The following BICC1 variants were observed in gnomAD, a reference collection of about 807,000 sequenced individuals.
The protein encoded by BICC1 is BicC family RNA binding protein 1, also known as protein bicaudal C homolog 1.
Under a neutral mutation model 111.0 loss-of-function variants are expected in BICC1, and 43 were observed. The ratio of observed to expected loss-of-function variants is 0.39; its 90% confidence interval spans 0.30 to 0.50. BICC1 has a LOEUF of 0.50. Among genes scored for constraint, BICC1 ranks in the 20% least tolerant of loss-of-function variants. BICC1 has a pLI of 0.88. For synonymous variants in BICC1, 467 were observed against 434.4 expected (o/e 1.07, Z -0.93); for missense variants, 1,091 against 1,203.2 (o/e 0.91, Z 1.38).
At chr10:58,513,393 C>CCCCA in intron 1 of BICC1, 60 bp downstream of exon 1, 5 of 1,442,996 alleles carry the variant, frequency 3.5e-6, no homozygotes, top group Non-Finnish European at 4.6e-6. Flanking sequence ...TTTCGGACAT[C>CCCCA]CCCACCGCGC....
intron 1 of BICC1, among the ~76,000 whole-genome samples, chr10:58,517,685 G>T (rs1452936192): frequency 6.6e-6 from 1 of 152,156 alleles, no homozygotes; most frequent in Non-Finnish European, 1.5e-5. Context: ...TTTGAATCTT[G>T]ATGCTACATT....
chr10:58,574,933 A>G (rs1043321313), intron 1 of BICC1, among the ~76,000 whole-genome samples: 7 of 151,088 alleles, frequency 4.6e-5, no homozygotes, highest in African/African-American at 1.7e-4. Context: ...CCTCTGAAAA[A>G]CTCTGTGTAC....
At chr10:58,711,676 C>T (rs1840577787) in intron 3 of BICC1, among the ~76,000 whole-genome samples, 1 of 152,138 alleles carries the variant, frequency 6.6e-6, no homozygotes, top group African/African-American at 2.4e-5. Flanking sequence ...CTTATAACTG[C>T]TGCAAACTAG....
chr10:58,534,953 G>A (rs1189401526), intron 1 of BICC1, among the ~76,000 whole-genome samples: 1 of 151,370 alleles, frequency 6.6e-6, no homozygotes, highest in African/African-American at 2.4e-5. Flanking sequence ...AAAATGCAGT[G>A]GAAAGTGTTA....
chr10:58,645,371 C>T (rs572949287), intron 2 of BICC1, among the ~76,000 whole-genome samples: 63 of 125,616 alleles, frequency 5.0e-4, no homozygotes, highest in Admixed American at 9.9e-4. Flanking sequence ...CGCGCCACTG[C>T]GCTCCAGCCT....
chr10:58,683,407 A>T (rs187697313), intron 2 of BICC1, among the ~76,000 whole-genome samples: 230 of 151,880 alleles, frequency 1.5e-3, no homozygotes, highest in African/African-American at 5.4e-3. Flanking sequence ...TAGTTTTGCA[A>T]TTCTGTGAAG....
chr10:58,641,470 CTTT>C (rs879548475), intron 2 of BICC1, among the ~76,000 whole-genome samples: 1 of 144,386 alleles, frequency 6.9e-6, no homozygotes, highest in Admixed American at 6.9e-5. Flanking sequence ...TTTTTCTTTC[CTTT>C]TTTTTTTTGC....
chr10:58,645,552 A>G (rs1006594651), intron 2 of BICC1, among the ~76,000 whole-genome samples: 2 of 152,178 alleles, frequency 1.3e-5, no homozygotes, highest in Non-Finnish European at 2.9e-5. Flanking sequence ...AACAAACACA[A>G]AAGACATTTC....
At chr10:58,605,706 T>G (rs1439256950) in intron 1 of BICC1, among the ~76,000 whole-genome samples, 1 of 152,194 alleles carries the variant, frequency 6.6e-6, no homozygotes, top group Non-Finnish European at 1.5e-5. Context: ...TATACTGTAT[T>G]GTTTAGAGAA....
At chr10:58,598,511 C>T (rs1403062260) in intron 1 of BICC1, among the ~76,000 whole-genome samples, 1 of 152,010 alleles carries the variant, frequency 6.6e-6, no homozygotes, top group Non-Finnish European at 1.5e-5. Context: ...TCAACTCAAG[C>T]TGGGTCAGAG....
chr10:58,564,850 TA>T (rs1843708825), intron 1 of BICC1, among the ~76,000 whole-genome samples: 1 of 152,258 alleles, frequency 6.6e-6, no homozygotes, highest in South Asian at 2.1e-4. Context: ...GGCAATAAGT[TA>T]AAAATATGAA....
chr10:58,626,191 A>G (rs1400861467), intron 2 of BICC1, among the ~76,000 whole-genome samples: 1 of 152,208 alleles, frequency 6.6e-6, no homozygotes, highest in Non-Finnish European at 1.5e-5. Flanking sequence ...GTGCAGCATT[A>G]CATTGTTGGT....
chr10:58,651,983 C>A (rs992737784), intron 2 of BICC1, among the ~76,000 whole-genome samples: 4 of 152,004 alleles, frequency 2.6e-5, no homozygotes, highest in African/African-American at 9.7e-5. Context: ...TATGGAACCA[C>A]CCAGAGGGCC....
At chr10:58,664,622 T>A (rs1318011106) in intron 2 of BICC1, among the ~76,000 whole-genome samples, 1 of 152,142 alleles carries the variant, frequency 6.6e-6, no homozygotes, top group Non-Finnish European at 1.5e-5. Flanking sequence ...TTCTATCTGA[T>A]ATTTACAAGT....
rs954641604 is a variant in BICC1, at chr10:58,560,176, A to G, written c.190+46843A>G. Among the ~76,000 whole-genome samples the G allele has an allele frequency of 2.0e-5, 3 of 152,138 alleles. No homozygotes were observed. The East Asian group carries it at 5.8e-4, about 29-fold the overall frequency. ...TTTTATAAGTTTGGTAGAATTTAGC[A>G]GGAAAGTCATCCATTCTTGAGCTTT... On this transcript the variant is annotated intron_variant, in intron 1 of 20. Transcript: ENST00000373886.
At chr10:58,660,165 G>A (rs942109999) in intron 2 of BICC1, among the ~76,000 whole-genome samples, 9 of 152,126 alleles carry the variant, frequency 5.9e-5, no homozygotes, top group Admixed American at 5.9e-4. Context: ...ATCACCAGGT[G>A]CTGAGCAGCT....
chr10:58,518,545 C>CT (rs1306361675), intron 1 of BICC1, among the ~76,000 whole-genome samples: 2 of 101,608 alleles, frequency 2.0e-5, no homozygotes, highest in South Asian at 2.9e-4. Context: ...GTCTTTTTTT[C>CT]TTTTTTCTTC....
intron 1 of BICC1, among the ~76,000 whole-genome samples, chr10:58,542,885 G>C (rs68166860): frequency 0.12 from 18,498 of 151,966 alleles, 1,244 homozygotes; most frequent in Middle Eastern, 0.17. Context: ...TGTTGGTTAG[G>C]ATCTGGAGAA....
chr10:58,634,410 AC>A (rs1168730120), intron 2 of BICC1, among the ~76,000 whole-genome samples: 1 of 151,944 alleles, frequency 6.6e-6, no homozygotes, highest in African/African-American at 2.4e-5. Context: ...ACCATTCTTA[AC>A]CCCAGGTACA....
Sources: gnomAD v4.1 joint callset for allele counts (sites outside exome capture counted in the v4.1 genomes callset) on GRCh38, gnomAD v4.1.1 for gene constraint, MANE v1.5 for transcripts, NCBI Gene and HGNC (gene_info 2026-07-23, HGNC 2026-07-21) for gene names.